The following WWP2 variants were observed in gnomAD, a reference collection of about 807,000 sequenced individuals.
WWP2 encodes WW domain containing E3 ubiquitin protein ligase 2.
Under a neutral mutation model 121.0 loss-of-function variants are expected in WWP2, and 57 were observed. The observed-to-expected ratio is 0.47, with a 90% CI of 0.38 to 0.59. WWP2 has a LOEUF of 0.59. Among genes scored for constraint, WWP2 ranks in the 20% least tolerant of loss-of-function variants. WWP2 has a pLI of 0.00. For synonymous variants in WWP2, 449 were observed against 441.3 expected (o/e 1.02, Z -0.22); for missense variants, 962 against 1,158.9 (o/e 0.83, Z 2.47).
chr16:69,780,438 A>C (rs778375727), intron 1 of WWP2, among the ~76,000 whole-genome samples: 1 of 152,230 alleles, frequency 6.6e-6, no homozygotes, highest in African/African-American at 2.4e-5. Context: ...TATGATGAAC[A>C]TCCTTGAACA....
chr16:69,830,807 A>C (rs2056780797), intron 4 of WWP2, among the ~76,000 whole-genome samples: 1 of 152,148 alleles, frequency 6.6e-6, no homozygotes, highest in South Asian at 2.1e-4. Context: ...GGCTTCCTTT[A>C]CTGCAAAGGA....
chr16:69,802,983 A>T (rs1317255925), intron 4 of WWP2, among the ~76,000 whole-genome samples: 2 of 152,022 alleles, frequency 1.3e-5, no homozygotes, highest in African/African-American at 4.8e-5. Context: ...AGTCCCAAGC[A>T]TTTCAAATAA....
Position 69,925,611 on chromosome 16 carries a change from C to A in WWP2, c.1234+127C>A. 7.9e-7 allele frequency: 1 copy of A among 1,271,636 alleles called. No individual in the cohort carries two copies. Among genetic ancestry groups the A allele is most frequent in the Non-Finnish European group, 1.1e-6 (1 of 931,946 alleles). The allele number at this position is 1,271,636 out of a possible 1,614,324, so 78.8% of individuals were successfully genotyped here. A position where few individuals can be genotyped will look rare whatever the true frequency, so the allele number is the denominator to read the frequency against. Reference sequence around the variant, plus strand: ...TTCCATCTCTCCCCTCTCCAGCACACTCTCTGGGCATGCCCCACCAGAGCA... The same window carrying A: ...TTCCATCTCTCCCCTCTCCAGCACAATCTCTGGGCATGCCCCACCAGAGCA... On this transcript the variant is annotated intron_variant, in intron 11 of 23. Coordinates refer to ENST00000359154, the MANE Select transcript of WWP2 (RefSeq NM_001270454.2). This position sits in a 1 kb window ranked among gnomAD's most constrained non-coding sequence, Gnocchi z 4.0.
chr16:69,891,052 G>A (rs1367923367), intron 8 of WWP2, among the ~76,000 whole-genome samples: 3 of 152,170 alleles, frequency 2.0e-5, no homozygotes, highest in African/African-American at 7.2e-5. Context: ...AAGATGGCTA[G>A]GAGGGCTCTG....
Position 69,799,100 on chromosome 16 carries a change from T to A in WWP2, c.219-74T>A, listed in dbSNP as rs1252155697. 5.2e-6 allele frequency: 8 copies of A among 1,547,600 alleles called. No homozygotes were observed. In the African/African-American group the frequency reaches 1.1e-4, roughly 21 times the overall value. Reference sequence around the variant, plus strand: ...TCCCCCTCCCCAAGATGTCAGCAGTTTAGTTTAAATGTTTTCTTCTAAGTT... The same window carrying A: ...TCCCCCTCCCCAAGATGTCAGCAGTATAGTTTAAATGTTTTCTTCTAAGTT... On this transcript the variant is annotated intron_variant, in intron 3 of 23. Transcript: ENST00000359154. This position sits in a 1 kb window ranked among gnomAD's most constrained non-coding sequence, Gnocchi z 4.5.
rs1202592480 is a variant in WWP2 at position 69,820,625 on chromosome 16, A to T, written c.341-19501A>T. Among the ~76,000 whole-genome samples, 3 of 125,138 alleles carry T rather than the reference A, an allele frequency of 2.4e-5. 1 individual carries two copies. 82.1% of individuals were successfully genotyped at this position (125,138 alleles called of 152,430 possible). Reference sequence around the variant, plus strand: ...TGAAAAAACTGTCTTAATTGTGACTACTCCTCCCCAGCATTCCCTGTTTCT... The same window carrying T: ...TGAAAAAACTGTCTTAATTGTGACTTCTCCTCCCCAGCATTCCCTGTTTCT... On this transcript the variant is annotated intron_variant, in intron 4 of 23. Transcript: ENST00000359154.
chr16:69,922,276 A>T (rs1024717836), intron 10 of WWP2, among the ~76,000 whole-genome samples: 11 of 151,616 alleles, frequency 7.3e-5, no homozygotes, highest in African/African-American at 2.7e-4. Flanking sequence ...CCTGCGTTCC[A>T]CGCTGCAACC....
rs528276414 is a variant in WWP2, at chr16:69,798,758, C to T, written c.147C>T (p.Leu49=). 11 of 1,613,906 alleles carry T rather than the reference C, an allele frequency of 6.8e-6. No individual in the cohort carries two copies. Among genetic ancestry groups the T allele is most frequent in the Non-Finnish European group, 9.3e-6 (11 of 1,179,976 alleles). Residue 49 remains leucine (L), a synonymous_variant, in exon 3 of 24, where the codon CTC becomes CTT. Transcript: ENST00000359154. The part of the protein sequence containing the change: ...NSYVEVAVDG[L]PSETKKTGKR... The stretch of plus-strand genomic sequence containing the variant: ...ACGTGGAGGTGGCGGTGGATGGACT[C>T]CCCAGTGAGACCAAGAAGACTGGGA...
intron 6 of WWP2, among the ~76,000 whole-genome samples, chr16:69,859,617 G>A (rs144499959): frequency 3.9e-4 from 60 of 152,234 alleles, no homozygotes; most frequent in African/African-American, 1.4e-3. Context: ...GTTATTTGCA[G>A]TTGTAGGACT....
At chr16:69,876,859 G>A (rs1366336103) in intron 7 of WWP2, among the ~76,000 whole-genome samples, 1 of 152,154 alleles carries the variant, frequency 6.6e-6, no homozygotes, top group Admixed American at 6.5e-5. Flanking sequence ...TTCCTGAACA[G>A]TAGGTCTCAA....
intron 7 of WWP2, among the ~76,000 whole-genome samples, chr16:69,885,955 A>T (rs1214775547): frequency 6.6e-6 from 1 of 152,148 alleles, no homozygotes; most frequent in Non-Finnish European, 1.5e-5. Context: ...GATTAGCTAG[A>T]AGAGGCAGTA....
At chr16:69,833,288 C>T (rs983086146) in intron 4 of WWP2, among the ~76,000 whole-genome samples, 5 of 152,224 alleles carry the variant, frequency 3.3e-5, no homozygotes, top group South Asian at 4.1e-4. Flanking sequence ...AACTGGACAG[C>T]GTGTCCTTTA....
chr16:69,797,890 GAA>G (rs113856240), intron 2 of WWP2, among the ~76,000 whole-genome samples: 195 of 145,320 alleles, frequency 1.3e-3, no homozygotes, highest in Admixed American at 3.5e-3. Flanking sequence ...CTCTATCTCA[GAA>G]AAAAAAAAAA....
intron 8 of WWP2, among the ~76,000 whole-genome samples, chr16:69,891,297 G>T (rs547508812): frequency 6.6e-6 from 1 of 152,230 alleles, no homozygotes; most frequent in Non-Finnish European, 1.5e-5. Flanking sequence ...GTGTTCCAGA[G>T]TCAGGGGACC....
chr16:69,790,479 CTT>C, intron 2 of WWP2, among the ~76,000 whole-genome samples: 1 of 152,244 alleles, frequency 6.6e-6, no homozygotes, highest in South Asian at 2.1e-4. Context: ...TTTGCTATCT[CTT>C]GGGTGGCAAA....
chr16:69,787,318 A>G (rs1183658860), intron 2 of WWP2, among the ~76,000 whole-genome samples: 1 of 152,234 alleles, frequency 6.6e-6, no homozygotes. Flanking sequence ...GGCCAGGTGC[A>G]GTGGCTCACG....
intron 4 of WWP2, among the ~76,000 whole-genome samples, chr16:69,804,049 G>C (rs1231167550): frequency 6.6e-6 from 1 of 152,024 alleles, no homozygotes; most frequent in Admixed American, 6.6e-5. Context: ...TTTTTATATT[G>C]AAGTGTGCAT....
intron 1 of WWP2, chr16:69,786,247 C>A (rs566510897): frequency 6.6e-6 from 1 of 150,932 alleles, no homozygotes; most frequent in Non-Finnish European, 1.5e-5. Flanking sequence ...CGGGTTCAAG[C>A]AATTCTCTGC....
intron 16 of WWP2, 35 bp from the exon 17 acceptor site, chr16:69,933,935 C>T (rs1197681583): frequency 1.2e-6 from 2 of 1,606,604 alleles, no homozygotes; most frequent in African/African-American, 2.7e-5. Flanking sequence ...CGAAGGGACC[C>T]ATTATTCTTG....
Sources: allele counts gnomAD v4.1 joint callset (sites outside exome capture counted in the v4.1 genomes callset), GRCh38; gene constraint gnomAD v4.1.1; non-coding constraint Gnocchi (gnomAD v3.1); transcripts MANE v1.5; gene names NCBI Gene and HGNC (gene_info 2026-07-23, HGNC 2026-07-21).